The following FOXN3 variants were observed in gnomAD, a reference collection of about 807,000 sequenced individuals.
FOXN3 encodes forkhead box protein N3.
In FOXN3, 7 loss-of-function variants were observed where a neutral mutation model predicts 38.4. That is an observed-to-expected ratio of 0.18 (90% CI 0.10 to 0.34). The LOEUF is 0.34. FOXN3 is among the 10% of genes least tolerant of loss of function. FOXN3 has a pLI of 1.00. For synonymous variants in FOXN3, 230 were observed against 242.2 expected, an observed-to-expected ratio of 0.95 and a Z score of 0.47; for missense variants, 456 against 613.4, an observed-to-expected ratio of 0.74 and a Z score of 2.71.
chr14:89,531,236 G>T (rs1269479191), intron 1 of FOXN3, among the ~76,000 whole-genome samples: 3 of 151,712 alleles, frequency 2.0e-5, no homozygotes, highest in Admixed American at 6.6e-5. Flanking sequence ...AGGCAGAAAA[G>T]AATGTGCAGC....
At chr14:89,406,784 A>C (rs968759990) in intron 2 of FOXN3, among the ~76,000 whole-genome samples, 4 of 152,088 alleles carry the variant, frequency 2.6e-5, no homozygotes, top group South Asian at 2.1e-4. Flanking sequence ...GTTAAAAAAA[A>C]AAGGCACAGA....
At chr14:89,574,803 A>G (rs1303587799) in intron 1 of FOXN3, among the ~76,000 whole-genome samples, 3 of 152,168 alleles carry the variant, frequency 2.0e-5, no homozygotes, top group African/African-American at 4.8e-5. Flanking sequence ...TTATCTAGAC[A>G]TGCAAAGACC....
rs534618787 is a variant in FOXN3 at position 89,197,409 on chromosome 14, G to A, written c.746-16603C>T. On this transcript the variant is annotated intron_variant, in intron 4 of 5. Coordinates refer to ENST00000557258, the MANE Select transcript of FOXN3 (RefSeq NM_005197.4). ...GTAGTCCCAGCCACTCGGGAGGCTG[G>A]GGCATAAGAATTGCTTGAACCTGAA... Among the ~76,000 whole-genome samples the A allele has an allele frequency of 2.6e-5, 4 of 152,112 alleles. No individual in the cohort carries two copies. The South Asian group carries it at 6.2e-4, about 24-fold the overall frequency.
At chr14:89,336,289 G>A (rs941057851) in intron 3 of FOXN3, among the ~76,000 whole-genome samples, 2 of 132,302 alleles carry the variant, frequency 1.5e-5, no homozygotes, top group Admixed American at 7.7e-5. Flanking sequence ...TCCTCCCCAC[G>A]CCTCCCCCAT....
At chr14:89,458,483 G>A (rs1275393623) in intron 1 of FOXN3, among the ~76,000 whole-genome samples, 1 of 152,128 alleles carries the variant, frequency 6.6e-6, no homozygotes, top group Non-Finnish European at 1.5e-5. Context: ...GGACGCCAAC[G>A]GTCTTCATGA....
At chr14:89,536,401 T>C (rs925207109) in intron 1 of FOXN3, among the ~76,000 whole-genome samples, 3 of 152,220 alleles carry the variant, frequency 2.0e-5, no homozygotes, top group Non-Finnish European at 2.9e-5. Flanking sequence ...ATTTCACAGA[T>C]AAATGCAACC....
chr14:89,559,553 G>A (rs932069798), intron 1 of FOXN3, among the ~76,000 whole-genome samples: 2 of 152,120 alleles, frequency 1.3e-5, no homozygotes, highest in African/African-American at 4.8e-5. Context: ...GTGGGTACCT[G>A]TAGTCCCAGC....
chr14:89,463,145 C>T (rs1285214290), intron 1 of FOXN3, among the ~76,000 whole-genome samples: 16 of 150,924 alleles, frequency 1.1e-4, no homozygotes, highest in East Asian at 6.0e-4. Flanking sequence ...AAAAATTAGC[C>T]GGGCGTGGTG....
chr14:89,295,539 C>A (rs1227944097), intron 3 of FOXN3, among the ~76,000 whole-genome samples: 1 of 152,126 alleles, frequency 6.6e-6, no homozygotes, highest in Non-Finnish European at 1.5e-5. Context: ...GGGAATGCTA[C>A]CTGCACCTCC....
At chr14:89,178,431 T>A (rs1887582213) in intron 5 of FOXN3, among the ~76,000 whole-genome samples, 1 of 152,202 alleles carries the variant, frequency 6.6e-6, no homozygotes, top group South Asian at 2.1e-4. Context: ...ATTATAGGCA[T>A]GAGCCACCAC....
At chr14:89,612,435 C>T (rs971952046) in intron 1 of FOXN3, among the ~76,000 whole-genome samples, 2 of 152,124 alleles carry the variant, frequency 1.3e-5, no homozygotes, top group African/African-American at 4.8e-5. Flanking sequence ...TATAGAGTCA[C>T]TGTTTTATTT....
At chr14:89,189,037 C>T (rs887039488) in intron 4 of FOXN3, among the ~76,000 whole-genome samples, 2 of 152,088 alleles carry the variant, frequency 1.3e-5, no homozygotes, top group East Asian at 1.9e-4. Context: ...AAGAGAGAAT[C>T]AGAACTCTAG....
At chr14:89,492,714 C>G (rs532400057) in intron 1 of FOXN3, among the ~76,000 whole-genome samples, 1 of 152,056 alleles carries the variant, frequency 6.6e-6, no homozygotes, top group African/African-American at 2.4e-5. Flanking sequence ...CCTGTCTCAA[C>G]AAAATAAAAT....
intron 1 of FOXN3, among the ~76,000 whole-genome samples, chr14:89,525,956 A>G (rs1341212368): frequency 6.6e-6 from 1 of 152,182 alleles, no homozygotes; most frequent in African/African-American, 2.4e-5. Context: ...TGCAGGCTTG[A>G]TTTAACATTA....
At chr14:89,531,827 T>G (rs142603374) in intron 1 of FOXN3, among the ~76,000 whole-genome samples, 1 of 137,120 alleles carries the variant, frequency 7.3e-6, no homozygotes, top group East Asian at 2.1e-4. Context: ...TGTTTTGTTT[T>G]GAGACAGAGT....
At chr14:89,288,203 T>C (rs773630517) in intron 3 of FOXN3, among the ~76,000 whole-genome samples, 1 of 152,148 alleles carries the variant, frequency 6.6e-6, no homozygotes, top group Non-Finnish European at 1.5e-5. Flanking sequence ...TGAGGAGGCA[T>C]GACTGAAGTG....
intron 3 of FOXN3, chr14:89,291,373 A>G (rs532213365): frequency 4.4e-5 from 26 of 592,076 alleles, no homozygotes; most frequent in South Asian, 2.9e-4. Context: ...CCCTTTCTGC[A>G]TAAGTCTCCA....
intron 3 of FOXN3, among the ~76,000 whole-genome samples, chr14:89,336,066 C>T (rs550556504): frequency 2.0e-5 from 3 of 151,786 alleles, no homozygotes; most frequent in Admixed American, 1.3e-4. Flanking sequence ...TATAAATAAT[C>T]CCTAAAATAT....
chr14:89,404,907 C>A (rs1006785929), intron 2 of FOXN3, among the ~76,000 whole-genome samples: 1 of 152,104 alleles, frequency 6.6e-6, no homozygotes, highest in Non-Finnish European at 1.5e-5. Context: ...TTTACACATC[C>A]GAACCAGACC....
Sources: allele counts gnomAD v4.1 joint callset (sites outside exome capture counted in the v4.1 genomes callset), GRCh38; gene constraint gnomAD v4.1.1; transcripts MANE v1.5; gene names NCBI Gene and HGNC (gene_info 2026-07-23, HGNC 2026-07-21).